Variants in SIL1 observed in about 807,000 individuals in gnomAD.
SIL1 encodes SIL1 nucleotide exchange factor.
Under a neutral mutation model 49.1 loss-of-function variants are expected in SIL1, and 40 were observed. The ratio of observed to expected loss-of-function variants is 0.81; its 90% CI spans 0.63 to 1.06. The LOEUF (loss-of-function observed/expected upper bound fraction) is 1.06. SIL1 is among the 50% of genes least tolerant of loss of function. SIL1 has a pLI of 0.00. For missense variants in SIL1, 500 were observed against 572.6 expected (o/e 0.87, Z 1.29); for synonymous variants, 253 against 250.8 (o/e 1.01, Z -0.08).
intron 5 of SIL1, among the ~76,000 whole-genome samples, chr5:139,041,363 A>C (rs1769044473): frequency 6.6e-6 from 1 of 152,168 alleles, no homozygotes; most frequent in Non-Finnish European, 1.5e-5. Flanking sequence ...CCTATCCCCC[A>C]AAAAGGTTCA....
chr5:139,193,978 C>T (rs1407551250), intron 1 of SIL1, among the ~76,000 whole-genome samples: 1 of 152,222 alleles, frequency 6.6e-6, no homozygotes, highest in Non-Finnish European at 1.5e-5. Context: ...TAGTCCTATG[C>T]TCACAACTCT....
intron 5 of SIL1, among the ~76,000 whole-genome samples, chr5:139,041,212 C>T (rs1769041154): frequency 6.6e-6 from 1 of 152,218 alleles, no homozygotes; most frequent in African/African-American, 2.4e-5. Flanking sequence ...CCTTCCTTCA[C>T]CCACTGCTGC....
intron 7 of SIL1, among the ~76,000 whole-genome samples, chr5:138,989,379 T>G (rs1340614077): frequency 6.6e-6 from 1 of 152,128 alleles, no homozygotes; most frequent in Non-Finnish European, 1.5e-5. Context: ...TGAAACCCCA[T>G]CTCTACCAAA....
chr5:139,042,801 G>T, intron 4 of SIL1, 82 bp from the exon 5 acceptor site: 1 of 1,256,278 alleles, frequency 8.0e-7, no homozygotes, highest in Non-Finnish European at 1.2e-6. Context: ...ACTCTGGGTG[G>T]CCAAGATGGA....
chr5:139,119,007 A>T (rs1164771635), intron 3 of SIL1, among the ~76,000 whole-genome samples: 1 of 152,184 alleles, frequency 6.6e-6, no homozygotes, highest in African/African-American at 2.4e-5. Flanking sequence ...TTGCCCTCTG[A>T]GCTACAGGGC....
At chr5:139,160,143 TCA>T (rs57028301) in intron 1 of SIL1, among the ~76,000 whole-genome samples, 13,700 of 137,620 alleles carry the variant, frequency 0.1, 1,073 homozygotes, top group African/African-American at 0.24. Context: ...ATTTCCACAA[TCA>T]CACACACACA....
At chr5:139,088,936 T>C (rs1770283984) in intron 3 of SIL1, among the ~76,000 whole-genome samples, 3 of 152,296 alleles carry the variant, frequency 2.0e-5, no homozygotes, top group African/African-American at 7.2e-5. Context: ...CTTCCTTTTG[T>C]AGGGGTCGAT....
chr5:139,121,519 C>T (rs551783933), intron 2 of SIL1, among the ~76,000 whole-genome samples: 274 of 152,212 alleles, frequency 1.8e-3, no homozygotes, highest in African/African-American at 6.2e-3. Flanking sequence ...TTTTGACATG[C>T]TATTATACTG....
chr5:139,174,800 T>A lies in SIL1; in HGVS notation c.-11+23469A>T, dbSNP rs533147933. Among the ~76,000 whole-genome samples, 21 of 150,822 alleles carry A rather than the reference T, an allele frequency of 1.4e-4. 1 individual carries two copies. The South Asian group carries it at 4.4e-3, about 32-fold the overall frequency. On this transcript the variant is annotated intron_variant, in intron 1 of 9. Transcript: ENST00000394817. Reference sequence around the variant, plus strand: ...TAAAAATACAAAAATTAGCCGGGCATCATGTTATGTGCCTGTAATCCCAGC... The same window carrying A: ...TAAAAATACAAAAATTAGCCGGGCAACATGTTATGTGCCTGTAATCCCAGC...
intron 1 of SIL1, among the ~76,000 whole-genome samples, chr5:139,130,396 T>A (rs548135835): frequency 6.6e-6 from 1 of 152,132 alleles, no homozygotes; most frequent in Non-Finnish European, 1.5e-5. Context: ...TCATTAACCA[T>A]GAGGGAAATG....
intron 7 of SIL1, among the ~76,000 whole-genome samples, chr5:138,973,166 G>A (rs192061207): frequency 8.8e-5 from 13 of 148,110 alleles, no homozygotes; most frequent in Admixed American, 6.8e-4. Context: ...ACAAACCTGC[G>A]CGTTGTGCAC....
At chr5:138,982,149 T>C (rs1581004268) in intron 7 of SIL1, among the ~76,000 whole-genome samples, 2 of 152,328 alleles carry the variant, frequency 1.3e-5, no homozygotes, top group East Asian at 3.9e-4. Context: ...ACTCTAAACA[T>C]TTTGAGGACA....
chr5:139,171,790 C>T (rs1383471434), intron 1 of SIL1, among the ~76,000 whole-genome samples: 1 of 150,418 alleles, frequency 6.6e-6, no homozygotes, highest in African/African-American at 2.4e-5. Context: ...AATGGCAGAT[C>T]TACTAGACAA....
intron 2 of SIL1, among the ~76,000 whole-genome samples, chr5:139,123,380 C>T (rs141474473): frequency 1.3e-5 from 2 of 152,274 alleles, no homozygotes; most frequent in East Asian, 3.9e-4. Flanking sequence ...TCCTTCATCA[C>T]CCCCATGCCT....
rs77061061 is a variant in SIL1 at position 139,124,393 on chromosome 5, T to C, written c.106-3220A>G. 6.7e-3 allele frequency among the ~76,000 whole-genome samples: 1,013 copies of C among 152,298 alleles called. 5 individuals carry two copies. Among genetic ancestry groups the C allele is most frequent in the African/African-American group, 0.022 (924 of 41,566 alleles). Reference sequence around the variant, plus strand: ...GTTCAAAATGTTTTTTGCACCTCCTTTTGGTATCATCTTTGAATCAGATTT... The same window carrying C: ...GTTCAAAATGTTTTTTGCACCTCCTCTTGGTATCATCTTTGAATCAGATTT... On this transcript the variant is annotated intron_variant, in intron 2 of 9. Transcript: ENST00000394817.
At chr5:139,164,760 A>G (rs774254012) in intron 1 of SIL1, among the ~76,000 whole-genome samples, 2 of 152,232 alleles carry the variant, frequency 1.3e-5, no homozygotes, top group Non-Finnish European at 2.9e-5. Context: ...AAGATGGTAG[A>G]GTAGAAAGCA....
chr5:139,125,388 G>A (rs751111595), intron 2 of SIL1, among the ~76,000 whole-genome samples: 1 of 152,164 alleles, frequency 6.6e-6, no homozygotes, highest in Non-Finnish European at 1.5e-5. Flanking sequence ...GCTTGTATCC[G>A]AATAAGAGAT....
chr5:138,955,811 G>A (rs147405270), intron 7 of SIL1, among the ~76,000 whole-genome samples: 3 of 152,362 alleles, frequency 2.0e-5, no homozygotes, highest in South Asian at 2.1e-4. Context: ...GTCCTGTGCC[G>A]CTGCACGGGT....
chr5:138,980,397 A>G (rs1767489665), intron 7 of SIL1, among the ~76,000 whole-genome samples: 1 of 152,170 alleles, frequency 6.6e-6, no homozygotes, highest in Non-Finnish European at 1.5e-5. Flanking sequence ...GTGCTAAAAA[A>G]GGTGGACAGT....
Sources: allele counts gnomAD v4.1 joint callset (sites outside exome capture counted in the v4.1 genomes callset), GRCh38; gene constraint gnomAD v4.1.1; transcripts MANE v1.5; gene names NCBI Gene and HGNC (gene_info 2026-07-23, HGNC 2026-07-21).